The following CLOCK variants were observed in gnomAD, a reference collection of about 807,000 sequenced individuals.
CLOCK encodes circadian locomoter output cycles protein kaput.
CLOCK carries 43 observed loss-of-function variants against 118.4 expected under a neutral mutation model. That is an observed-to-expected ratio of 0.36 (90% confidence interval 0.28 to 0.47). The LOEUF is 0.47. Among genes scored for constraint, CLOCK ranks in the 20% least tolerant of loss-of-function variants. CLOCK has a pLI of 1.00. For synonymous variants in CLOCK, 326 were observed against 339.2 expected (o/e 0.96, Z 0.43); for missense variants, 846 against 999.9 (o/e 0.85, Z 2.08).
chr4:55,539,677 T>C (rs1731134897), intron 1 of CLOCK, among the ~76,000 whole-genome samples: 1 of 149,442 alleles, frequency 6.7e-6, no homozygotes, highest in South Asian at 2.1e-4. Flanking sequence ...TCAAAATGCA[T>C]GATATAGGGA....
At chr4:55,507,528 A>T (rs895244747) in intron 2 of CLOCK, among the ~76,000 whole-genome samples, 3 of 152,038 alleles carry the variant, frequency 2.0e-5, no homozygotes, top group Non-Finnish European at 4.4e-5. Context: ...CACGAGAATC[A>T]CTTGAACCCA....
chr4:55,532,793 G>C (rs576295112), intron 1 of CLOCK, among the ~76,000 whole-genome samples: 1 of 152,130 alleles, frequency 6.6e-6, no homozygotes, highest in African/African-American at 2.4e-5. Context: ...GTCACAGTGA[G>C]CCATGATTGT....
intron 20 of CLOCK, among the ~76,000 whole-genome samples, chr4:55,442,867 T>C (rs1031597748): frequency 1.3e-5 from 2 of 152,110 alleles, no homozygotes; most frequent in African/African-American, 4.8e-5. Flanking sequence ...AGTGTGATTG[T>C]AATAGAGATG....
chr4:55,428,971 ATCT>A lies in CLOCK; in HGVS notation c.*6441_*6443del, dbSNP rs1044278601. 11 of 120,552 alleles carry A rather than the reference ATCT, an allele frequency of 9.1e-5. No homozygotes were observed. Among genetic ancestry groups the A allele is most frequent in the African/African-American group, 2.8e-4 (10 of 35,368 alleles). The allele number at this position is 120,552 out of a possible 1,614,324, so 7.5% of individuals were successfully genotyped here. ...GAATGGTAACTGTTCTGGCTGACAC[ATCT>A]TTTTTTTTTTTTTTTTTTTTAAAAA... On this transcript the variant is annotated 3_prime_UTR_variant, in exon 23 of 23. Coordinates refer to ENST00000513440, the MANE Select transcript of CLOCK (RefSeq NM_004898.4).
At chr4:55,502,864 A>G (rs1728528350) in intron 2 of CLOCK, among the ~76,000 whole-genome samples, 1 of 152,238 alleles carries the variant, frequency 6.6e-6, no homozygotes, top group African/African-American at 2.4e-5. Flanking sequence ...ATCCCCAAAG[A>G]GGATATTCAA....
At chr4:55,537,259 A>G (rs1001700667) in intron 1 of CLOCK, among the ~76,000 whole-genome samples, 1 of 152,142 alleles carries the variant, frequency 6.6e-6, no homozygotes, top group Non-Finnish European at 1.5e-5. Flanking sequence ...AGGAAAGAGG[A>G]TTGCTTGAAC....
At chr4:55,531,393 G>C (rs1241160030) in intron 1 of CLOCK, among the ~76,000 whole-genome samples, 1 of 151,966 alleles carries the variant, frequency 6.6e-6, no homozygotes, top group Non-Finnish European at 1.5e-5. Flanking sequence ...CTTTACTGGA[G>C]AATTCTATCA....
chr4:55,459,331 T>A (rs1004776332), intron 9 of CLOCK, 70 bp from the exon 10 acceptor site: 2 of 907,770 alleles, frequency 2.2e-6, no homozygotes, highest in Non-Finnish European at 3.6e-6. Flanking sequence ...CCACATAAAG[T>A]AAGATCATAA....
intron 1 of CLOCK, chr4:55,545,396 A>G (rs1024078294): frequency 1.3e-5 from 2 of 152,072 alleles, no homozygotes; most frequent in Admixed American, 6.6e-5. Context: ...ATATTGCACA[A>G]TTTTCTCTAA....
intron 1 of CLOCK, among the ~76,000 whole-genome samples, chr4:55,517,898 T>C (rs1729614786): frequency 6.6e-6 from 1 of 152,132 alleles, no homozygotes; most frequent in Non-Finnish European, 1.5e-5. Context: ...TTAACAAAAT[T>C]ACAAATGTTT....
At chr4:55,488,859 A>C (rs1358312242) in intron 3 of CLOCK, among the ~76,000 whole-genome samples, 1 of 152,100 alleles carries the variant, frequency 6.6e-6, no homozygotes, top group Non-Finnish European at 1.5e-5. Context: ...CAGCCTCCCA[A>C]GTAGCTGGGA....
At chr4:55,504,562 T>C (rs924511819) in intron 2 of CLOCK, among the ~76,000 whole-genome samples, 4 of 152,110 alleles carry the variant, frequency 2.6e-5, no homozygotes, top group Non-Finnish European at 5.9e-5. Context: ...CAGACCCACT[T>C]TTAAACAAAG....
At chr4:55,526,731 G>A (rs1274630448) in intron 1 of CLOCK, among the ~76,000 whole-genome samples, 2 of 151,784 alleles carry the variant, frequency 1.3e-5, no homozygotes, top group African/African-American at 4.8e-5. Flanking sequence ...GTCAGTTCAC[G>A]AGGTCAGGAG....
At chr4:55,464,837 T>C (rs1725623655) in intron 8 of CLOCK, among the ~76,000 whole-genome samples, 1 of 152,054 alleles carries the variant, frequency 6.6e-6, no homozygotes, top group Non-Finnish European at 1.5e-5. Flanking sequence ...AAAACCGCAA[T>C]CACTTTTGCA....
At chr4:55,485,616 T>C (rs1727248861) in intron 3 of CLOCK, among the ~76,000 whole-genome samples, 1 of 152,148 alleles carries the variant, frequency 6.6e-6, no homozygotes, top group African/African-American at 2.4e-5. Flanking sequence ...TATAATCTAA[T>C]ATAGAATACA....
intron 1 of CLOCK, among the ~76,000 whole-genome samples, chr4:55,538,076 T>C (rs1397461927): frequency 1.3e-5 from 2 of 151,956 alleles, no homozygotes; most frequent in African/African-American, 2.4e-5. Flanking sequence ...AGAGACAAAT[T>C]ACTAGTATTC....
intron 1 of CLOCK, among the ~76,000 whole-genome samples, chr4:55,520,911 T>A (rs960004630): frequency 2.0e-5 from 3 of 152,210 alleles, no homozygotes; most frequent in Non-Finnish European, 4.4e-5. Context: ...TTGCTCCCTA[T>A]AACAACTCCT....
chr4:55,440,978 AAACAAAACAC>A (rs373671612), intron 21 of CLOCK, among the ~76,000 whole-genome samples: 5,119 of 152,182 alleles, frequency 0.034, 102 homozygotes, highest in Non-Finnish European at 0.054. Flanking sequence ...AAACAAAACA[AAACAAAACAC>A]AACACAACAA....
chr4:55,471,269 G>A (rs1452015481), intron 7 of CLOCK, among the ~76,000 whole-genome samples: 1 of 152,190 alleles, frequency 6.6e-6, no homozygotes, highest in Non-Finnish European at 1.5e-5. Context: ...ATAAAAGGGA[G>A]TAGCAGGAAA....
Sources: gnomAD v4.1 joint callset for allele counts (sites outside exome capture counted in the v4.1 genomes callset) on GRCh38, gnomAD v4.1.1 for gene constraint, MANE v1.5 for transcripts, NCBI Gene and HGNC (gene_info 2026-07-23, HGNC 2026-07-21) for gene names.